The following CSNK1A1 variants were observed in gnomAD, a reference collection of about 807,000 sequenced individuals.
The protein encoded by CSNK1A1 is casein kinase I isoform alpha.
A neutral mutation model predicts 46.1 loss-of-function variants in CSNK1A1; 7 were observed. The ratio of observed to expected loss-of-function variants is 0.15; its 90% CI spans 0.09 to 0.29. The LOEUF is 0.29. Among genes scored for constraint, CSNK1A1 ranks in the 10% least tolerant of loss-of-function variants. The probability of loss-of-function intolerance (pLI) is 1.00; values close to 1 mark genes in which losing one functional copy is unlikely to be tolerated. For missense variants in CSNK1A1, 96 were observed against 417.1 expected, an observed-to-expected ratio of 0.23 and a Z score of 6.71; for synonymous variants, 137 against 141.5, an observed-to-expected ratio of 0.97 and a Z score of 0.23.
Position 149,550,101 on chromosome 5 carries a change from T to C in CSNK1A1, c.204A>G (p.Gln68=). The C allele has an allele frequency of 1.9e-6, 3 of 1,613,782 alleles. No homozygotes were observed. In the East Asian group the frequency reaches 6.7e-5, roughly 36 times the overall value. ...GTATGTGGGGGATGCCAACCCCACC[T>C]TGAAGAATCTTATAGAGCTTGCTCT... The part of the protein sequence containing the change: ...LYESKLYKIL[Q]GGVGIPHIRW... Residue 68 remains glutamine, a synonymous_variant, in exon 2 of 10, where the codon CAA becomes CAG. Transcript: ENST00000377843. The surrounding 1 kb of genome is among the most constrained non-coding windows in gnomAD (Gnocchi z 4.3).
chr5:149,511,546 G>A (rs1332363885), intron 6 of CSNK1A1, among the ~76,000 whole-genome samples: 1 of 152,176 alleles, frequency 6.6e-6, no homozygotes, highest in African/African-American at 2.4e-5. Context: ...TCTAGATAGA[G>A]CTAGTGGCTA....
At chr5:149,507,175 T>G (rs1205226449) in intron 7 of CSNK1A1, 42 bp from the exon 8 acceptor site, 3 of 1,434,408 alleles carry the variant, frequency 2.1e-6, no homozygotes, top group Non-Finnish European at 2.9e-6. Flanking sequence ...AACAAACATT[T>G]CAAGATAGAA....
Position 149,501,595 on chromosome 5 carries a change from AT to A in CSNK1A1, c.1006+3851del, listed in dbSNP as rs1218098868. On this transcript the variant is annotated intron_variant, in intron 9 of 9. Transcript: ENST00000377843. ...TGTCAATACTTTGAGAGCTGTCTATATTATTATGATAAAACTCTGCTTAGTA... is the reference window on the plus strand; with the variant it reads ...TGTCAATACTTTGAGAGCTGTCTATATATTATGATAAAACTCTGCTTAGTA... The A allele has an allele frequency of 3.0e-6, 3 of 984,896 alleles. No homozygotes were observed. The African/African-American group carries it at 5.2e-5, about 17-fold the overall frequency. 61.0% of individuals were successfully genotyped at this position (984,896 alleles called of 1,614,324 possible). A position where few individuals can be genotyped will look rare whatever the true frequency, so the allele number is the denominator to read the frequency against.
Position 149,551,298 on chromosome 5 carries a change from G to A in CSNK1A1, c.-334C>T, listed in dbSNP as rs1470147459. On this transcript the variant is annotated 5_prime_UTR_variant, in exon 1 of 10. Coordinates refer to ENST00000377843, the MANE Select transcript of CSNK1A1 (RefSeq NM_001892.6). ...CGCGGTGAGCTAGGGCGGCGATACCGCTGCCACCACTGCCGCCGGCTCCGG... is the reference window on the plus strand; with the variant it reads ...CGCGGTGAGCTAGGGCGGCGATACCACTGCCACCACTGCCGCCGGCTCCGG... 1 of 259,814 alleles carries A rather than the reference G, an allele frequency of 3.8e-6. No individual in the cohort carries two copies. Among genetic ancestry groups the A allele is most frequent in the Non-Finnish European group, 7.6e-6 (1 of 132,330 alleles). The allele number at this position is 259,814 out of a possible 1,614,324, so 16.1% of individuals were successfully genotyped here.
chr5:149,497,999 AAT>A lies in CSNK1A1; in HGVS notation c.1007-1141_1007-1140del, dbSNP rs1206606031. The stretch of plus-strand genomic sequence containing the variant: ...TAGGTGCCTGCCACCATGCCTGGCT[AAT>A]TTTTGTATTTATAGTAGAGACACAG... On this transcript the variant is annotated intron_variant, in intron 9 of 9. Coordinates refer to ENST00000377843, the MANE Select transcript of CSNK1A1 (RefSeq NM_001892.6). The A allele has an allele frequency of 6.0e-6, 4 of 667,256 alleles. No individual in the cohort carries two copies. In the African/African-American group the frequency reaches 7.9e-5, roughly 13 times the overall value. The allele number at this position is 667,256 out of a possible 1,614,324, so 41.3% of individuals were successfully genotyped here.
intron 8 of CSNK1A1, among the ~76,000 whole-genome samples, chr5:149,506,772 A>T (rs1761045844): frequency 1.3e-5 from 2 of 152,230 alleles, no homozygotes; most frequent in Admixed American, 1.3e-4. Flanking sequence ...TCTAATATGA[A>T]TTATAACTAT....
At chr5:149,502,535 T>TGGG (rs1760902546) in intron 9 of CSNK1A1, 8 of 34,852 alleles carry the variant, frequency 2.3e-4, no homozygotes, top group African/African-American at 3.4e-4. Context: ...GGGGGGGGGT[T>TGGG]GGGGACGATG....
chr5:149,520,267 C>A (rs1761528995), intron 4 of CSNK1A1, 23 bp downstream of exon 4: 1 of 1,400,810 alleles, frequency 7.1e-7, no homozygotes, highest in South Asian at 1.2e-5. Flanking sequence ...TTTGTTCTTT[C>A]ATGCAAAGAG....
At chr5:149,538,857 T>A (rs1762143249) in intron 2 of CSNK1A1, among the ~76,000 whole-genome samples, 1 of 151,204 alleles carries the variant, frequency 6.6e-6, no homozygotes, top group Non-Finnish European at 1.5e-5. Flanking sequence ...AGGAGGCGGA[T>A]GTTGCGGTGA....
At chr5:149,511,985 G>A in intron 5 of CSNK1A1, 113 bp from the exon 6 acceptor site, 1 of 755,496 alleles carries the variant, frequency 1.3e-6, no homozygotes, top group Non-Finnish European at 2.1e-6. Context: ...ACACTATTTG[G>A]TGTCTTACGC....
intron 2 of CSNK1A1, among the ~76,000 whole-genome samples, chr5:149,542,808 G>C (rs1374231726): frequency 7.0e-6 from 1 of 142,420 alleles, no homozygotes; most frequent in Non-Finnish European, 1.5e-5. Flanking sequence ...CAATTCTCCT[G>C]ACTCAGCCTC....
intron 3 of CSNK1A1, among the ~76,000 whole-genome samples, chr5:149,524,800 C>T (rs1761678179): frequency 6.6e-6 from 1 of 152,122 alleles, no homozygotes; most frequent in East Asian, 1.9e-4. Context: ...ACATATGACA[C>T]TAAAACTTCA....
At chr5:149,542,599 TATA>T (rs1762275816) in intron 2 of CSNK1A1, among the ~76,000 whole-genome samples, 1 of 4,460 alleles carries the variant, frequency 2.2e-4, no homozygotes, top group Non-Finnish European at 3.3e-4. Flanking sequence ...AATTTATATA[TATA>T]TATATATATA....
At chr5:149,514,866 A>G (rs1246166348) in intron 4 of CSNK1A1, among the ~76,000 whole-genome samples, 1 of 152,206 alleles carries the variant, frequency 6.6e-6, no homozygotes, top group Non-Finnish European at 1.5e-5. Flanking sequence ...TTATTAGTAA[A>G]TGTTAACTGG....
intron 9 of CSNK1A1, chr5:149,501,662 G>C (rs747258047): frequency 2.4e-4 from 239 of 985,146 alleles, no homozygotes; most frequent in Middle Eastern, 1.5e-3. Context: ...AAGATGATGA[G>C]AGTACAGAAT....
chr5:149,543,453 A>T (rs528175756), intron 2 of CSNK1A1, among the ~76,000 whole-genome samples: 9 of 151,880 alleles, frequency 5.9e-5, no homozygotes, highest in Non-Finnish European at 1.2e-4. Flanking sequence ...GTTAAAAAGC[A>T]CATTTCTCGT....
intron 2 of CSNK1A1, among the ~76,000 whole-genome samples, chr5:149,534,910 A>C (rs1278659523): frequency 1.3e-5 from 2 of 151,182 alleles, no homozygotes; most frequent in Non-Finnish European, 3.0e-5. Flanking sequence ...GTCTCCCAAA[A>C]AAAAAAAAAA....
chr5:149,522,008 C>A (rs1761586660), intron 3 of CSNK1A1, among the ~76,000 whole-genome samples: 1 of 152,110 alleles, frequency 6.6e-6, no homozygotes, highest in Non-Finnish European at 1.5e-5. Context: ...GAGTTCTCGT[C>A]ATAAAACAAA....
At chr5:149,542,642 A>ATGTG (rs1561772548) in intron 2 of CSNK1A1, among the ~76,000 whole-genome samples, 2 of 3,758 alleles carry the variant, frequency 5.3e-4, no homozygotes, top group African/African-American at 1.6e-3. Flanking sequence ...ATATATATGT[A>ATGTG]TATATATATA....
Sources: gnomAD v4.1 joint callset for allele counts (sites outside exome capture counted in the v4.1 genomes callset) on GRCh38, gnomAD v4.1.1 for gene constraint, Gnocchi (gnomAD v3.1) non-coding constraint, MANE v1.5 for transcripts, NCBI Gene and HGNC (gene_info 2026-07-23, HGNC 2026-07-21) for gene names.